Variants in CCDC77 observed in about 807,000 individuals in gnomAD.
CCDC77 encodes coiled-coil domain containing 77, also known as coiled-coil domain-containing protein 77.
A neutral mutation model predicts 66.8 loss-of-function variants in CCDC77; 56 were observed. The observed-to-expected ratio is 0.84, with a 90% CI of 0.68 to 1.05. CCDC77 has a LOEUF of 1.05. Among genes scored for constraint, CCDC77 ranks in the 50% least tolerant of loss-of-function variants. CCDC77 has a pLI of 0.00. For missense variants in CCDC77, 570 were observed against 576.8 expected (o/e 0.99, Z 0.12); for synonymous variants, 196 against 195.2 (o/e 1.00, Z -0.03).
At chr12:437,483 A>G (rs1013896835) in intron 9 of CCDC77, among the ~76,000 whole-genome samples, 12 of 151,632 alleles carry the variant, frequency 7.9e-5, no homozygotes, top group African/African-American at 2.9e-4. Context: ...ATGGAGTTTC[A>G]GAGAATGGAG....
At chr12:440,267 C>T (rs912009974) in intron 10 of CCDC77, among the ~76,000 whole-genome samples, 1 of 152,054 alleles carries the variant, frequency 6.6e-6, no homozygotes, top group African/African-American at 2.4e-5. Context: ...GTATAATAAG[C>T]GTTGTTGTTA....
intron 4 of CCDC77, among the ~76,000 whole-genome samples, chr12:414,391 G>A (rs1467579578): frequency 1.3e-5 from 2 of 152,130 alleles, no homozygotes; most frequent in Admixed American, 1.3e-4. Context: ...CTCCTTTCTT[G>A]ATTTCTGTGT....
rs139295445 is a variant in CCDC77, at chr12:422,457, C to T, written c.413+3821C>T. Among the ~76,000 whole-genome samples the T allele has an allele frequency of 3.9e-4, 60 of 152,358 alleles. No individual in the cohort carries two copies. In the East Asian group the frequency reaches 0.011, roughly 28 times the overall value. ...ATCCCCGTTACCCCAGTTCCTGGAA[C>T]ACACTATGCTACTTTTCGTCTCCAT... On this transcript the variant is annotated intron_variant, in intron 5 of 12. Coordinates refer to ENST00000239830, the MANE Select transcript of CCDC77 (RefSeq NM_032358.4).
chr12:401,053 G>A (rs929451334), upstream of CCDC77, among the ~76,000 whole-genome samples: 1 of 152,102 alleles, frequency 6.6e-6, no homozygotes, highest in African/African-American at 2.4e-5. Flanking sequence ...CTTGCTTTCT[G>A]GAAAGATAAG....
upstream of CCDC77, among the ~76,000 whole-genome samples, chr12:399,410 T>G (rs1263640302): frequency 2.6e-5 from 4 of 152,182 alleles, no homozygotes; most frequent in African/African-American, 9.7e-5. Context: ...GACCTGGTGA[T>G]CCGCCCACCT....
At chr12:418,761 G>A (rs1001673965) in intron 5 of CCDC77, 125 bp downstream of exon 5, 7 of 1,001,314 alleles carry the variant, frequency 7.0e-6, no homozygotes, top group East Asian at 5.2e-5. Flanking sequence ...GTACAGTGGC[G>A]CTCTCTTGGC....
chr12:436,329 G>A (rs562540424), intron 9 of CCDC77, among the ~76,000 whole-genome samples: 32 of 151,300 alleles, frequency 2.1e-4, no homozygotes, highest in African/African-American at 6.8e-4. Context: ...AGGTTTCACC[G>A]TGTTAGCCAG....
chr12:415,354 TAATATTATGTTAATATAATC>T (rs1945213923), intron 4 of CCDC77, among the ~76,000 whole-genome samples: 2 of 76,710 alleles, frequency 2.6e-5, no homozygotes, highest in African/African-American at 4.8e-5. Context: ...ATAATCAACA[TAATATTATGTTAATATAATC>T]AACATAATAT....
intron 4 of CCDC77, among the ~76,000 whole-genome samples, chr12:415,615 T>G (rs1472154876): frequency 6.6e-6 from 1 of 151,354 alleles, no homozygotes; most frequent in African/African-American, 2.4e-5. Context: ...TATGTATGTA[T>G]CTATAGACCT....
intron 4 of CCDC77, among the ~76,000 whole-genome samples, chr12:413,441 G>A (rs1333462896): frequency 6.0e-5 from 9 of 151,050 alleles, no homozygotes; most frequent in East Asian, 3.9e-4. Context: ...GGGTTTCACC[G>A]TGTTAGCCAG....
At chr12:415,696 G>A (rs914316878) in intron 4 of CCDC77, among the ~76,000 whole-genome samples, 16 of 151,548 alleles carry the variant, frequency 1.1e-4, no homozygotes, top group East Asian at 3.9e-4. Context: ...GCAGTGGTGC[G>A]ATCATAGCTC....
At chr12:414,383 C>T (rs1481184354) in intron 4 of CCDC77, among the ~76,000 whole-genome samples, 5 of 152,204 alleles carry the variant, frequency 3.3e-5, no homozygotes, top group African/African-American at 1.2e-4. Context: ...AGCCTGGCCT[C>T]CTTTCTTGAT....
intron 4 of CCDC77, among the ~76,000 whole-genome samples, chr12:417,447 C>T (rs144716044): frequency 1.8e-4 from 28 of 152,244 alleles, no homozygotes; most frequent in African/African-American, 5.5e-4. Context: ...ATTCCTGCCA[C>T]GCTTTCCCCC....
intron 4 of CCDC77, among the ~76,000 whole-genome samples, chr12:413,411 G>A (rs1194055678): frequency 1.4e-5 from 2 of 141,134 alleles, no homozygotes; most frequent in East Asian, 4.4e-4. Flanking sequence ...TAATTTTTTT[G>A]TATTTTTTTA....
chr12:394,807 T>G (rs1035688581), intron 1 of CCDC77, among the ~76,000 whole-genome samples: 2 of 152,202 alleles, frequency 1.3e-5, no homozygotes, highest in Non-Finnish European at 2.9e-5. Flanking sequence ...GCAGCACACC[T>G]GTAGGGAGGA....
intron 6 of CCDC77, 32 bp from the exon 7 acceptor site, chr12:430,632 G>T: frequency 1.3e-6 from 2 of 1,511,742 alleles, no homozygotes; most frequent in Non-Finnish European, 1.8e-6. Context: ...TTTATAGGAA[G>T]GCTACTTCAA....
At chr12:399,257 C>T (rs753880241), upstream of CCDC77, among the ~76,000 whole-genome samples, 2 of 152,048 alleles carry the variant, frequency 1.3e-5, no homozygotes, top group African/African-American at 2.4e-5. Flanking sequence ...CTGAAACCTC[C>T]GCCTCCCAGG....
Position 392,515 on chromosome 12 carries a change from G to A in CCDC77, c.-113+3029G>A, listed in dbSNP as rs1349953076. On this transcript the variant is annotated intron_variant, in intron 1 of 11. Coordinates refer to the CCDC77 transcript ENST00000422000. ...TCCCAGCACTTTGGGAGGCCGAGGC[G>A]GGCAGATCACTTGAGGTTAGGAGTT... 3.9e-5 allele frequency among the ~76,000 whole-genome samples: 6 copies of A among 152,152 alleles called. No homozygotes were observed. In the East Asian group the frequency reaches 7.7e-4, roughly 20 times the overall value.
upstream of CCDC77, among the ~76,000 whole-genome samples, chr12:397,781 G>A (rs1378149274): frequency 1.3e-5 from 2 of 151,928 alleles, no homozygotes; most frequent in African/African-American, 4.8e-5. Flanking sequence ...CGAGCAGCTG[G>A]GACTACAGGC....
Sources: allele counts gnomAD v4.1 joint callset (sites outside exome capture counted in the v4.1 genomes callset), GRCh38; gene constraint gnomAD v4.1.1; transcripts MANE v1.5; gene names NCBI Gene and HGNC (gene_info 2026-07-23, HGNC 2026-07-21).